Variants in NYAP2 observed in about 807,000 individuals in gnomAD.
NYAP2 encodes neuronal tyrosine-phosphorylated phosphoinositide-3-kinase adapter 2.
NYAP2 carries 23 observed loss-of-function variants against 50.4 expected under a neutral mutation model. That is an observed-to-expected ratio of 0.46 (90% CI 0.33 to 0.65). The LOEUF (loss-of-function observed/expected upper bound fraction) is 0.65. NYAP2 is among the 30% of genes least tolerant of loss of function. The pLI is 0.02. For synonymous variants in NYAP2, 394 were observed against 365.2 expected (o/e 1.08, Z -0.90); for missense variants, 885 against 861.0 (o/e 1.03, Z -0.35).
chr2:225,417,178 G>A (rs1695140592), intron 3 of NYAP2, among the ~76,000 whole-genome samples: 1 of 152,086 alleles, frequency 6.6e-6, no homozygotes, highest in Non-Finnish European at 1.5e-5. Context: ...GGGACTTTTT[G>A]AACTACTAAA....
intron 3 of NYAP2, among the ~76,000 whole-genome samples, chr2:225,512,647 C>CCTTCCTT (rs57862487): frequency 8.3e-5 from 12 of 144,856 alleles, no homozygotes; most frequent in South Asian, 2.2e-4. Flanking sequence ...CTTCCTTCCT[C>CCTTCCTT]CCTCCCTTCC....
chr2:225,527,845 G>A (rs1335672331), intron 4 of NYAP2, among the ~76,000 whole-genome samples: 1 of 152,038 alleles, frequency 6.6e-6, no homozygotes, highest in Non-Finnish European at 1.5e-5. Context: ...ACAAGGTCTT[G>A]TTATGTTGCC....
At chr2:225,528,244 T>C (rs1395919498) in intron 4 of NYAP2, among the ~76,000 whole-genome samples, 4 of 152,132 alleles carry the variant, frequency 2.6e-5, no homozygotes, top group African/African-American at 9.7e-5. Flanking sequence ...AGTCAACTCA[T>C]GGAAAGTTAA....
the NYAP2 span, chr2:225,699,959 C>T: frequency 6.6e-6 from 1 of 151,668 alleles, no homozygotes; most frequent in East Asian, 1.9e-4. Flanking sequence ...GTATGTGGTT[C>T]TTTGTTAACA....
At chr2:225,677,071 G>C in the NYAP2 span, among the ~76,000 whole-genome samples, 1 of 152,014 alleles carries the variant, frequency 6.6e-6, no homozygotes, top group Non-Finnish European at 1.5e-5. Context: ...TTGTGTTAGA[G>C]AGTCTCTGAT....
the NYAP2 span, among the ~76,000 whole-genome samples, chr2:225,662,893 C>T: frequency 6.6e-6 from 1 of 152,184 alleles, no homozygotes; most frequent in Non-Finnish European, 1.5e-5. Flanking sequence ...GGGACCTACC[C>T]TTGGAGAAAG....
At chr2:225,546,106 C>T (rs1691576398) in intron 4 of NYAP2, among the ~76,000 whole-genome samples, 1 of 152,174 alleles carries the variant, frequency 6.6e-6, no homozygotes. Flanking sequence ...GTGGCCACCA[C>T]CGCTGGGACT....
At chr2:225,672,935 C>T in the NYAP2 span, among the ~76,000 whole-genome samples, 4 of 151,678 alleles carry the variant, frequency 2.6e-5, no homozygotes, top group Non-Finnish European at 4.4e-5. Flanking sequence ...ACATCAAAGG[C>T]AATCACAGAT....
chr2:225,703,209 G>T, the NYAP2 span: 1 of 151,604 alleles, frequency 6.6e-6, no homozygotes, highest in Non-Finnish European at 1.5e-5. Context: ...AAAATAATAT[G>T]TTTTTTAGTG....
intron 4 of NYAP2, among the ~76,000 whole-genome samples, chr2:225,578,248 T>C (rs1470068256): frequency 1.3e-5 from 2 of 152,080 alleles, no homozygotes; most frequent in Non-Finnish European, 2.9e-5. Flanking sequence ...ACCTTCATTT[T>C]AAAGTTGGAT....
intron 3 of NYAP2, among the ~76,000 whole-genome samples, chr2:225,496,153 G>A (rs769640294): frequency 1.3e-5 from 2 of 152,162 alleles, no homozygotes; most frequent in Non-Finnish European, 2.9e-5. Flanking sequence ...GGGGTCAAAG[G>A]AGAGCTAAGG....
chr2:225,446,618 G>A (rs1484471837), intron 3 of NYAP2, among the ~76,000 whole-genome samples: 2 of 152,064 alleles, frequency 1.3e-5, no homozygotes, highest in Non-Finnish European at 1.5e-5. Flanking sequence ...ACCCCATACT[G>A]TGGCACCTAC....
chr2:225,547,173 T>A (rs998273615), intron 4 of NYAP2, among the ~76,000 whole-genome samples: 2 of 152,196 alleles, frequency 1.3e-5, no homozygotes, highest in Non-Finnish European at 2.9e-5. Context: ...GTTTCCTGAT[T>A]CTGGACCTTA....
At chr2:225,512,647 C>CCTT (rs57862487) in intron 3 of NYAP2, among the ~76,000 whole-genome samples, 44,692 of 144,560 alleles carry the variant, frequency 0.31, 6,935 homozygotes, top group South Asian at 0.47. Flanking sequence ...CTTCCTTCCT[C>CCTT]CCTCCCTTCC....
chr2:225,594,111 T>A (rs928345272), intron 5 of NYAP2, among the ~76,000 whole-genome samples: 2 of 152,208 alleles, frequency 1.3e-5, no homozygotes, highest in African/African-American at 4.8e-5. Flanking sequence ...AATTGATCTC[T>A]TTTCTATGTT....
At chr2:225,471,829 T>A (rs2106159522) in intron 3 of NYAP2, among the ~76,000 whole-genome samples, 1 of 152,320 alleles carries the variant, frequency 6.6e-6, no homozygotes, top group African/African-American at 2.4e-5. Flanking sequence ...CAAAGCCATA[T>A]TCAGCTATCT....
At chr2:225,484,911 C>T (rs978901808) in intron 3 of NYAP2, among the ~76,000 whole-genome samples, 2 of 152,194 alleles carry the variant, frequency 1.3e-5, no homozygotes, top group African/African-American at 4.8e-5. Context: ...CACCCCAGTG[C>T]TATTGAATCA....
intron 3 of NYAP2, among the ~76,000 whole-genome samples, chr2:225,492,251 T>TAA (rs1445908552): frequency 6.6e-6 from 1 of 152,166 alleles, no homozygotes; most frequent in Non-Finnish European, 1.5e-5. Flanking sequence ...AACCAAGCCA[T>TAA]CTTGTCAAGA....
the NYAP2 span, among the ~76,000 whole-genome samples, chr2:225,695,447 T>G: frequency 6.6e-6 from 1 of 151,898 alleles, no homozygotes; most frequent in East Asian, 1.9e-4. Flanking sequence ...AGTATTTTAC[T>G]AAGAAGATTA....
Sources: gnomAD v4.1 joint callset for allele counts (sites outside exome capture counted in the v4.1 genomes callset) on GRCh38, gnomAD v4.1.1 for gene constraint, MANE v1.5 for transcripts, NCBI Gene and HGNC (gene_info 2026-07-23, HGNC 2026-07-21) for gene names.